The following LUZP2 variants were observed in gnomAD, a reference collection of about 807,000 sequenced individuals.
The protein encoded by LUZP2 is leucine zipper protein 2.
In LUZP2, 52 loss-of-function variants were observed where a neutral mutation model predicts 51.6. The ratio of observed to expected loss-of-function variants is 1.01; its 90% CI spans 0.81 to 1.27. The LOEUF is 1.27. Ranked by LOEUF, LUZP2 falls within the 50% of genes most tolerant of loss-of-function variation. The probability of loss-of-function intolerance (pLI) is 0.00; values close to 1 mark genes in which losing one functional copy is unlikely to be tolerated. For missense variants in LUZP2, 436 were observed against 395.4 expected (o/e 1.10, Z -0.87); for synonymous variants, 154 against 137.3 (o/e 1.12, Z -0.85).
At chr11:24,530,281 G>A (rs1463811678) in intron 1 of LUZP2, among the ~76,000 whole-genome samples, 1 of 150,600 alleles carries the variant, frequency 6.6e-6, no homozygotes, top group Non-Finnish European at 1.5e-5. Flanking sequence ...CTTCAGTATT[G>A]GCATATTTGA....
At chr11:24,624,507 T>C (rs1010955100) in intron 1 of LUZP2, among the ~76,000 whole-genome samples, 4 of 152,158 alleles carry the variant, frequency 2.6e-5, no homozygotes, top group African/African-American at 9.7e-5. Flanking sequence ...AAGTCATATA[T>C]ATAAGAACTG....
rs140655366 is a variant in LUZP2, at chr11:24,682,967, C to T, written c.63-46202C>T. 6.6e-4 allele frequency among the ~76,000 whole-genome samples: 101 copies of T among 151,890 alleles called. 2 individuals are homozygous for T. In the South Asian group the frequency reaches 0.013, roughly 20 times the overall value. On this transcript the variant is annotated intron_variant, in intron 1 of 11. Coordinates refer to ENST00000336930, the MANE Select transcript of LUZP2 (RefSeq NM_001009909.4). ...TGCAGTGAGCCGAGATCAGCTTGGG[C>T]GACAGAGTGAGGCTGTCTCAAAGAA...
At chr11:24,545,581 T>C (rs1212789262) in intron 1 of LUZP2, among the ~76,000 whole-genome samples, 2 of 138,834 alleles carry the variant, frequency 1.4e-5, no homozygotes, top group Non-Finnish European at 3.1e-5. Flanking sequence ...TTGACAGCTT[T>C]GTAAAAGATC....
chr11:24,768,467 A>G (rs1013094458), intron 5 of LUZP2, among the ~76,000 whole-genome samples: 1 of 152,220 alleles, frequency 6.6e-6, no homozygotes, highest in Non-Finnish European at 1.5e-5. Context: ...AAAGAATTAC[A>G]TAGTTGGAAA....
intron 5 of LUZP2, among the ~76,000 whole-genome samples, chr11:24,895,321 T>TA (rs934488089): frequency 2.0e-5 from 3 of 152,168 alleles, no homozygotes; most frequent in South Asian, 2.1e-4. Flanking sequence ...TATATATATA[T>TA]AAAAAAACTG....
chr11:25,039,297 C>G (rs1857963921), intron 9 of LUZP2, among the ~76,000 whole-genome samples: 1 of 152,050 alleles, frequency 6.6e-6, no homozygotes, highest in Non-Finnish European at 1.5e-5. Flanking sequence ...AAAAGGCTTT[C>G]AGGCTGCCAA....
chr11:24,681,881 G>T (rs1446613522), intron 1 of LUZP2, among the ~76,000 whole-genome samples: 1 of 151,838 alleles, frequency 6.6e-6, no homozygotes, highest in African/African-American at 2.4e-5. Flanking sequence ...TTGCATTTTT[G>T]AAATAAAAAA....
At chr11:24,963,439 C>G (rs945046857) in intron 7 of LUZP2, among the ~76,000 whole-genome samples, 18 of 152,210 alleles carry the variant, frequency 1.2e-4, no homozygotes, top group Admixed American at 1.2e-3. Context: ...TTCCCGGCTG[C>G]TTTGTTTACC....
intron 7 of LUZP2, among the ~76,000 whole-genome samples, chr11:24,917,184 GT>G (rs1263606031): frequency 6.6e-5 from 10 of 151,972 alleles, no homozygotes; most frequent in Admixed American, 1.3e-4. Flanking sequence ...GGGGTTGTTT[GT>G]TTTTTTCTTG....
intron 1 of LUZP2, among the ~76,000 whole-genome samples, chr11:24,623,492 A>G (rs917927710): frequency 5.3e-5 from 8 of 152,016 alleles, no homozygotes; most frequent in Non-Finnish European, 1.0e-4. Context: ...CTTTGTGTAG[A>G]TGGTCTACTC....
At chr11:24,530,762 C>CTTTTTTTTTTTTT (rs367857815) in intron 1 of LUZP2, among the ~76,000 whole-genome samples, 16 of 75,352 alleles carry the variant, frequency 2.1e-4, no homozygotes, top group Admixed American at 3.3e-4. Context: ...CTTCTTCTTA[C>CTTTTTTTTTTTTT]TTTTTTTTTT....
chr11:24,991,165 T>A (rs1160798998), intron 9 of LUZP2, among the ~76,000 whole-genome samples: 1 of 151,960 alleles, frequency 6.6e-6, no homozygotes, highest in Non-Finnish European at 1.5e-5. Flanking sequence ...GTATCATTCA[T>A]ATGCCTTTGC....
chr11:24,972,833 T>G (rs558355668), intron 7 of LUZP2, among the ~76,000 whole-genome samples: 1 of 8,176 alleles, frequency 1.2e-4, no homozygotes, highest in African/African-American at 6.0e-4. Context: ...TTTGCCAGTA[T>G]TTTATTGAGG....
intron 4 of LUZP2, among the ~76,000 whole-genome samples, chr11:24,741,928 ATT>A (rs1289310424): frequency 5.3e-5 from 1 of 18,966 alleles, no homozygotes; most frequent in South Asian, 2.7e-3. Context: ...ACATTTATAT[ATT>A]ATATATAAAT....
intron 1 of LUZP2, among the ~76,000 whole-genome samples, chr11:24,593,317 T>C (rs1472552343): frequency 2.0e-5 from 3 of 152,188 alleles, no homozygotes; most frequent in Non-Finnish European, 4.4e-5. Context: ...CTGTTGTCTT[T>C]AGCTGAGTGG....
In LUZP2 at chr11:24,704,607, A is replaced by AAT. The variant is rs146367882; in HGVS notation, c.63-24545_63-24544dup. On this transcript the variant is annotated intron_variant, in intron 1 of 11. Transcript: ENST00000336930. ...TCATGTATATGCATATATATGCAAG[A>AAT]ATATATATATATATATATGAGAGAA... 8.7e-3 allele frequency among the ~76,000 whole-genome samples: 1,285 copies of AAT among 148,178 alleles called. 11 individuals are homozygous for AAT. Among genetic ancestry groups the AAT allele is most frequent in the African/African-American group, 0.019 (782 of 40,694 alleles).
intron 1 of LUZP2, among the ~76,000 whole-genome samples, chr11:24,658,369 C>G (rs1015523438): frequency 6.6e-5 from 10 of 152,090 alleles, no homozygotes; most frequent in Non-Finnish European, 1.5e-4. Context: ...ACTGGCTAGC[C>G]ATATGGAGAA....
intron 1 of LUZP2, among the ~76,000 whole-genome samples, chr11:24,670,317 T>G (rs1210673536): frequency 6.6e-6 from 1 of 152,104 alleles, no homozygotes; most frequent in Non-Finnish European, 1.5e-5. Context: ...TGTGTAAGGA[T>G]GACTATGGTC....
intron 1 of LUZP2, among the ~76,000 whole-genome samples, chr11:24,721,426 C>A (rs1190470830): frequency 7.9e-5 from 12 of 152,102 alleles, no homozygotes; most frequent in African/African-American, 2.9e-4. Context: ...CTTTCTCCTA[C>A]AATCTGGAAT....
Sources: gnomAD v4.1 joint callset for allele counts (sites outside exome capture counted in the v4.1 genomes callset) on GRCh38, gnomAD v4.1.1 for gene constraint, MANE v1.5 for transcripts, NCBI Gene and HGNC (gene_info 2026-07-23, HGNC 2026-07-21) for gene names.